Variants in SLCO1C1 observed in about 807,000 individuals in gnomAD.
SLCO1C1 encodes the protein solute carrier organic anion transporter family member 1C1.
A neutral mutation model predicts 76.4 loss-of-function variants in SLCO1C1; 70 were observed. The observed-to-expected ratio is 0.92, with a 90% CI of 0.76 to 1.12. The LOEUF (loss-of-function observed/expected upper bound fraction) is 1.12, where lower values mean the gene tolerates loss of function less well. Among genes scored for constraint, SLCO1C1 ranks in the 50% most tolerant of loss-of-function variants. The pLI is 0.00. For missense variants in SLCO1C1, 912 were observed against 823.8 expected, an observed-to-expected ratio of 1.11 and a Z score of -1.31; for synonymous variants, 306 against 286.1, an observed-to-expected ratio of 1.07 and a Z score of -0.70.
intron 9 of SLCO1C1, among the ~76,000 whole-genome samples, chr12:20,730,890 T>C (rs1948232205): frequency 6.6e-6 from 1 of 152,130 alleles, no homozygotes; most frequent in Admixed American, 6.6e-5. Context: ...AGTGAAACAG[T>C]GGGCCAGGGG....
chr12:20,706,681 A>G (rs1402321573), intron 4 of SLCO1C1, among the ~76,000 whole-genome samples: 1 of 152,138 alleles, frequency 6.6e-6, no homozygotes, highest in East Asian at 1.9e-4. Context: ...AGAAGAACAT[A>G]GTTTATCTTT....
chr12:20,753,085 T>C lies in SLCO1C1; in HGVS notation c.*557T>C, dbSNP rs370407815. 4 of 152,318 alleles carry C rather than the reference T, an allele frequency of 2.6e-5. No homozygotes were observed. Among genetic ancestry groups the C allele is most frequent in the African/African-American group, 9.6e-5 (4 of 41,572 alleles). 9.4% of individuals were successfully genotyped at this position (152,318 alleles called of 1,614,324 possible). On this transcript the variant is annotated 3_prime_UTR_variant, in exon 15 of 15. Transcript: ENST00000266509. ...AAATACAATAATTTATATAGAAATGTGTAGCAGCAAATTATATTGGGGATT... is the reference window on the plus strand; with the variant it reads ...AAATACAATAATTTATATAGAAATGCGTAGCAGCAAATTATATTGGGGATT...
intron 5 of SLCO1C1, among the ~76,000 whole-genome samples, chr12:20,714,884 G>A (rs1947289588): frequency 6.6e-6 from 1 of 152,164 alleles, no homozygotes; most frequent in South Asian, 2.1e-4. Context: ...GAAGAAGAGA[G>A]AGAATAAAAA....
At chr12:20,701,021 C>T (rs1404038396) in intron 2 of SLCO1C1, among the ~76,000 whole-genome samples, 2 of 151,994 alleles carry the variant, frequency 1.3e-5, no homozygotes, top group Non-Finnish European at 2.9e-5. Context: ...ATGTAAGACT[C>T]CTTTGAGTGC....
intron 14 of SLCO1C1, among the ~76,000 whole-genome samples, chr12:20,751,313 T>A (rs1461551935): frequency 6.6e-6 from 1 of 151,942 alleles, no homozygotes; most frequent in Non-Finnish European, 1.5e-5. Flanking sequence ...TGTGGGTGAG[T>A]GTATATGGGG....
intron 12 of SLCO1C1, among the ~76,000 whole-genome samples, chr12:20,742,051 C>G (rs1201502516): frequency 6.6e-6 from 1 of 152,192 alleles, no homozygotes; most frequent in East Asian, 1.9e-4. Flanking sequence ...TATCCACAAA[C>G]CTGCTATTCT....
Position 20,752,915 on chromosome 12 carries a change from T to C in SLCO1C1, c.*387T>C, listed in dbSNP as rs1213159066. ...TAGAGTAAGCAAATACTGCTAACAA[T>C]TAACTCATACCTTGGGTTCCTTCAA... On this transcript the variant is annotated 3_prime_UTR_variant, in exon 15 of 15. Transcript: ENST00000266509. 6.5e-6 allele frequency: 1 copy of C among 153,434 alleles called. No individual in the cohort carries two copies. 9.5% of individuals were successfully genotyped at this position (153,434 alleles called of 1,614,324 possible).
Position 20,737,775 on chromosome 12 carries a change from T to C in SLCO1C1, c.1548+503T>C, listed in dbSNP as rs886982306. On this transcript the variant is annotated intron_variant, in intron 11 of 14. Transcript: ENST00000266509. ...TGGAAAATCAAGCCAATTTGTATAA[T>C]AATGAAAGGGCAGGTGGGCTGGAAT... is the stretch of plus-strand genomic sequence containing the variant. Among the ~76,000 whole-genome samples the C allele has an allele frequency of 2.0e-5, 3 of 152,022 alleles. No homozygotes were observed. The East Asian group carries it at 5.8e-4, about 29-fold the overall frequency.
intron 12 of SLCO1C1, among the ~76,000 whole-genome samples, chr12:20,740,766 CAAT>C (rs1440129318): frequency 3.4e-5 from 3 of 87,988 alleles, no homozygotes; most frequent in Admixed American, 2.9e-4. Context: ...TCTAATACAA[CAAT>C]GTTAGAATTT....
intron 4 of SLCO1C1, among the ~76,000 whole-genome samples, chr12:20,708,484 G>T (rs1349604796): frequency 6.6e-6 from 1 of 152,114 alleles, no homozygotes; most frequent in Non-Finnish European, 1.5e-5. Flanking sequence ...GACACATAAG[G>T]AGTATGTGTG....
At chr12:20,712,525 C>G (rs1947160179) in intron 5 of SLCO1C1, among the ~76,000 whole-genome samples, 1 of 152,126 alleles carries the variant, frequency 6.6e-6, no homozygotes, top group Non-Finnish European at 1.5e-5. Context: ...AGCTTCCCTT[C>G]AGCATCAATA....
intron 11 of SLCO1C1, among the ~76,000 whole-genome samples, chr12:20,738,679 T>C (rs1189297776): frequency 1.3e-5 from 2 of 152,188 alleles, no homozygotes; most frequent in Non-Finnish European, 2.9e-5. Context: ...CACAGCTGCA[T>C]GAAGGTTTTT....
intron 10 of SLCO1C1, 130 bp downstream of exon 10, chr12:20,733,234 G>T: frequency 2.5e-6 from 2 of 801,532 alleles, no homozygotes; most frequent in Non-Finnish European, 3.7e-6. Context: ...ATTTTATTGT[G>T]GAATAACTGA....
At chr12:20,725,191 T>C (rs1213740652) in intron 9 of SLCO1C1, among the ~76,000 whole-genome samples, 1 of 136,556 alleles carries the variant, frequency 7.3e-6, no homozygotes, top group Admixed American at 7.6e-5. Context: ...AATCATATAA[T>C]TATTTATAAT....
intron 9 of SLCO1C1, among the ~76,000 whole-genome samples, chr12:20,727,600 C>A (rs1188290485): frequency 6.6e-6 from 1 of 152,218 alleles, no homozygotes; most frequent in African/African-American, 2.4e-5. Context: ...AGCTCCGCCT[C>A]GCGGGTTCAC....
intron 7 of SLCO1C1, among the ~76,000 whole-genome samples, chr12:20,721,586 A>G (rs527883319): frequency 1.3e-5 from 2 of 152,222 alleles, no homozygotes; most frequent in South Asian, 2.1e-4. Context: ...GTGATTCTGT[A>G]TTGTGAAATT....
intron 5 of SLCO1C1, among the ~76,000 whole-genome samples, chr12:20,713,067 C>A (rs1379352436): frequency 6.9e-6 from 1 of 144,442 alleles, no homozygotes; most frequent in Non-Finnish European, 1.5e-5. Context: ...CAATGTACGG[C>A]CAGGGAAGAT....
chr12:20,722,300 T>C (rs1357198318), intron 8 of SLCO1C1, among the ~76,000 whole-genome samples: 1 of 152,218 alleles, frequency 6.6e-6, no homozygotes, highest in Non-Finnish European at 1.5e-5. Context: ...GATCCTACCA[T>C]TGTCTCTACC....
Position 20,701,364 on chromosome 12 carries a change from CAGA to C in SLCO1C1, c.179_181del (p.Glu60del). 1 of 1,544,310 alleles carries C rather than the reference CAGA, an allele frequency of 6.5e-7. No homozygotes were observed. The highest frequency in any genetic ancestry group is 8.8e-7 in the Non-Finnish European group (1 of 1,130,754). ...TTTGTTTACTTTGCCAAAGCATTGGCAGAAGGCTATCTGAAGAGCACCATCACT... is the reference window on the plus strand; with the variant it reads ...TTTGTTTACTTTGCCAAAGCATTGGCAGGCTATCTGAAGAGCACCATCACT... On this transcript the variant is annotated inframe_deletion, in exon 3 of 15. Coordinates refer to ENST00000266509, the MANE Select transcript of SLCO1C1 (RefSeq NM_017435.5).
Sources: allele counts gnomAD v4.1 joint callset (sites outside exome capture counted in the v4.1 genomes callset), GRCh38; gene constraint gnomAD v4.1.1; transcripts MANE v1.5; gene names NCBI Gene and HGNC (gene_info 2026-07-23, HGNC 2026-07-21).